CLDN2: variants seen among roughly 807,000 people sequenced by gnomAD.
CLDN2 encodes claudin-2.
Under a neutral mutation model 8.2 loss-of-function variants are expected in CLDN2, and 1 was observed. The ratio of observed to expected loss-of-function variants is 0.12; its 90% confidence interval spans 0.04 to 0.58. The LOEUF is 0.58. Among genes scored for constraint, CLDN2 ranks in the 20% least tolerant of loss-of-function variants. The pLI, the probability that CLDN2 is intolerant of heterozygous loss-of-function variation, is 0.90. For synonymous variants in CLDN2, 70 were observed against 70.2 expected (o/e 1.00, Z 0.01); for missense variants, 108 against 172.9 (o/e 0.62, Z 2.11).
chrX:106,916,052 T>A (rs1933305640), upstream of CLDN2, among the ~76,000 whole-genome samples: 1 of 103,842 alleles, frequency 9.6e-6, no homozygotes. Flanking sequence ...CCCCTGAACC[T>A]GAAATAAAAG....
In CLDN2 at chrX:106,903,258, G is replaced by A. The variant is rs1457778103; in HGVS notation, c.-179+2754G>A. 10 of 1,206,916 alleles carry A rather than the reference G, an allele frequency of 8.3e-6. No individual in the cohort carries two copies. In the East Asian group the frequency reaches 3.0e-4, roughly 36 times the overall value. ...CCAAAGCCAGGGCTGGAACAGGGGTGGCAGCAGCAGCACAGGCAGCAGAGT... is the reference window on the plus strand; with the variant it reads ...CCAAAGCCAGGGCTGGAACAGGGGTAGCAGCAGCAGCACAGGCAGCAGAGT... On this transcript the variant is annotated intron_variant, in intron 1 of 1. Transcript: ENST00000541806.
chrX:106,904,861 G>T (rs1933157889), intron 1 of CLDN2, among the ~76,000 whole-genome samples: 1 of 111,751 alleles, frequency 8.9e-6, no homozygotes, highest in Non-Finnish European at 1.9e-5. Context: ...ATCCCATTTT[G>T]GTAAGAAAAA....
rs1933509613 is a variant in CLDN2 at position 106,928,995 on chromosome X, G to A, written c.*74G>A. 1.2e-6 allele frequency: 1 copy of A among 868,173 alleles called. No homozygotes were observed. Among genetic ancestry groups the A allele is most frequent in the Non-Finnish European group, 1.7e-6 (1 of 602,764 alleles). 71.5% of individuals were successfully genotyped at this position (868,173 alleles called of 1,213,427 possible). A position where few individuals can be genotyped will look rare whatever the true frequency, so the allele number is the denominator to read the frequency against. On this transcript the variant is annotated 3_prime_UTR_variant, in exon 2 of 2. Transcript: ENST00000336803. Reference sequence around the variant, plus strand: ...GGACAGCACCCCGAGGGCCACAGGTGAGGGACACTACCACTGGATCGTGTC... The same window carrying A: ...GGACAGCACCCCGAGGGCCACAGGTAAGGGACACTACCACTGGATCGTGTC...
rs1412550249 is a variant in CLDN2 at position 106,907,114 on chromosome X, A to G, written c.-179+6610A>G. Among the ~76,000 whole-genome samples the G allele has an allele frequency of 3.6e-5, 4 of 111,891 alleles. No homozygotes were observed. In the East Asian group the frequency reaches 1.1e-3, roughly 32 times the overall value. ...TCACCAATGACCTCCTAATTGCCAA[A>G]TTTGATCACTTCTTTGAACTCTGGG... On this transcript the variant is annotated intron_variant, in intron 1 of 1. Coordinates refer to the CLDN2 transcript ENST00000541806.
intron 1 of CLDN2, among the ~76,000 whole-genome samples, chrX:106,909,637 G>A (rs1233666211): frequency 8.9e-6 from 1 of 112,139 alleles, no homozygotes; most frequent in Non-Finnish European, 1.9e-5. Flanking sequence ...AGGAGCAAAG[G>A]AGAAGTTTCT....
upstream of CLDN2, among the ~76,000 whole-genome samples, chrX:106,917,756 C>T (rs1456824441): frequency 9.0e-6 from 1 of 111,042 alleles, no homozygotes; most frequent in Non-Finnish European, 1.9e-5. Context: ...TCTTATTTCC[C>T]TCCCTTTATT....
In CLDN2 at chrX:106,928,912, G is replaced by A; in HGVS notation, c.684G>A (p.Gly228=). 1.7e-6 allele frequency: 2 copies of A among 1,208,486 alleles called. No individual in the cohort carries two copies. Among genetic ancestry groups the A allele is most frequent in the Non-Finnish European group, 2.2e-6 (2 of 893,223 alleles). The change falls in exon 2 of 2, where the codon GGG becomes GGA. Residue 228 remains glycine, a synonymous_variant. Coordinates refer to ENST00000336803, the MANE Select transcript of CLDN2 (RefSeq NM_020384.4). ...KSEFNSYSLT[G]YV is the part of the protein sequence containing the mutation. Reference sequence around the variant, plus strand: ...AGTTCAATTCCTACAGCCTGACAGGGTATGTGTGAAGAACCAGGGGCCAGA... The same window carrying A: ...AGTTCAATTCCTACAGCCTGACAGGATATGTGTGAAGAACCAGGGGCCAGA...
At chrX:106,911,771 G>A (rs1232663906) in intron 1 of CLDN2, among the ~76,000 whole-genome samples, 3 of 112,177 alleles carry the variant, frequency 2.7e-5, no homozygotes, top group Non-Finnish European at 3.8e-5. Flanking sequence ...TGGGGACATG[G>A]CAGGCGTTCA....
chrX:106,915,110 A>C (rs753217453), upstream of CLDN2, among the ~76,000 whole-genome samples: 1 of 112,706 alleles, frequency 8.9e-6, no homozygotes, highest in African/African-American at 3.2e-5. Context: ...AGAACATAAC[A>C]GTAAGCAGCT....
chrX:106,909,924 T>C (rs996506115), intron 1 of CLDN2, among the ~76,000 whole-genome samples: 3 of 111,295 alleles, frequency 2.7e-5, no homozygotes, highest in African/African-American at 9.8e-5. Flanking sequence ...TCATTTGGAC[T>C]GCAGAAGCCT....
intron 1 of CLDN2, among the ~76,000 whole-genome samples, chrX:106,911,777 G>A (rs757258695): frequency 7.9e-4 from 89 of 112,211 alleles, no homozygotes; most frequent in Middle Eastern, 4.6e-3. Flanking sequence ...CATGGCAGGC[G>A]TTCATTTCAT....
At chrX:106,926,665 C>G (rs959739247) in intron 1 of CLDN2, among the ~76,000 whole-genome samples, 21 of 108,989 alleles carry the variant, frequency 1.9e-4, no homozygotes, top group African/African-American at 7.1e-4. Context: ...GAGTTCAAGA[C>G]CAGTGTGGGC....
chrX:106,914,734 A>T (rs1324757847), upstream of CLDN2, among the ~76,000 whole-genome samples: 1 of 112,138 alleles, frequency 8.9e-6, no homozygotes, highest in African/African-American at 3.2e-5. Flanking sequence ...GTAAGTTTTA[A>T]TTATAAATAT....
intron 1 of CLDN2, among the ~76,000 whole-genome samples, chrX:106,904,455 C>T (rs1933152808): frequency 8.9e-6 from 1 of 112,943 alleles, no homozygotes; most frequent in South Asian, 3.6e-4. Context: ...TTAGAAACAA[C>T]TTCAATGTCC....
Position 106,902,266 on chromosome X carries a change from G to A in CLDN2, c.-179+1762G>A. On this transcript the variant is annotated intron_variant, in intron 1 of 1. Coordinates refer to the CLDN2 transcript ENST00000541806. Reference sequence around the variant, plus strand: ...CGTAGAGGAAGAGACTGAAAGGTGGGCTCCCTGAGATAACAAGAGACCTCC... The same window carrying A: ...CGTAGAGGAAGAGACTGAAAGGTGGACTCCCTGAGATAACAAGAGACCTCC... The A allele has an allele frequency of 5.8e-6, 6 of 1,041,741 alleles. No homozygotes were observed. The East Asian group carries it at 2.0e-4, about 34-fold the overall frequency. The allele number at this position is 1,041,741 out of a possible 1,213,427, so 85.9% of individuals were successfully genotyped here.
Position 106,910,710 on chromosome X carries a change from C to CA in CLDN2, c.-179+10217dup, listed in dbSNP as rs371400610. Among the ~76,000 whole-genome samples the CA allele has an allele frequency of 6.3e-3, 592 of 94,632 alleles. 3 individuals are homozygous for CA. The highest frequency in any genetic ancestry group is 0.016 in the Middle Eastern group (3 of 185). The allele number at this position is 94,632 out of a possible 115,157, so 82.2% of individuals were successfully genotyped here. A position where few individuals can be genotyped will look rare whatever the true frequency, so the allele number is the denominator to read the frequency against. On this transcript the variant is annotated intron_variant, in intron 1 of 1. Coordinates refer to the CLDN2 transcript ENST00000541806. Reference sequence around the variant, plus strand: ...CTGGGCAGATAGAGTGAAACTCCATCAAAAAAAAAAAGCCATAAAAGTAAA... The same window carrying CA: ...CTGGGCAGATAGAGTGAAACTCCATCAAAAAAAAAAAAGCCATAAAAGTAAA...
At chrX:106,915,669 C>A (rs28609835), upstream of CLDN2, among the ~76,000 whole-genome samples, 19,892 of 110,695 alleles carry the variant, frequency 0.18, 4,417 homozygotes, top group African/African-American at 0.63. Flanking sequence ...CTTAGGAAGC[C>A]CTTGCTCAAC....
intron 1 of CLDN2, chrX:106,901,509 G>A: frequency 2.5e-6 from 3 of 1,211,538 alleles, no homozygotes; most frequent in Non-Finnish European, 3.4e-6. Context: ...CAGCCTTGGT[G>A]ACCTCAGCAG....
rs982037199 is a variant in CLDN2 at position 106,929,977 on chromosome X, G to A, written c.*1056G>A. ...ACGGTGTCTAAGAAGCCAGGTGGAT[G>A]TGTGTGGTGGCTCCAGTGGGTGTTT... On this transcript the variant is annotated 3_prime_UTR_variant, in exon 2 of 2. Coordinates refer to ENST00000336803, the MANE Select transcript of CLDN2 (RefSeq NM_020384.4). 8.1e-6 allele frequency: 1 copy of A among 123,464 alleles called. No individual in the cohort carries two copies. 10.2% of individuals were successfully genotyped at this position (123,464 alleles called of 1,213,427 possible). A position where few individuals can be genotyped will look rare whatever the true frequency, so the allele number is the denominator to read the frequency against.
Sources: allele counts gnomAD v4.1 joint callset (sites outside exome capture counted in the v4.1 genomes callset), GRCh38; gene constraint gnomAD v4.1.1; transcripts MANE v1.5; gene names NCBI Gene and HGNC (gene_info 2026-07-23, HGNC 2026-07-21).